PRKCA: variants seen among roughly 807,000 people sequenced by gnomAD.
PRKCA encodes the protein protein kinase C alpha.
Under a neutral mutation model 87.0 loss-of-function variants are expected in PRKCA, and 27 were observed. That is an observed-to-expected ratio of 0.31 (90% CI 0.23 to 0.43). PRKCA has a LOEUF of 0.43. Among genes scored for constraint, PRKCA ranks in the 20% least tolerant of loss-of-function variants. PRKCA has a pLI of 1.00. For missense variants in PRKCA, 518 were observed against 852.3 expected (o/e 0.61, Z 4.88); for synonymous variants, 329 against 311.1 (o/e 1.06, Z -0.61).
chr17:66,316,636 AC>A (rs1178891391), intron 2 of PRKCA, among the ~76,000 whole-genome samples: 1 of 152,052 alleles, frequency 6.6e-6, no homozygotes, highest in Non-Finnish European at 1.5e-5. Context: ...AAGATTGGAC[AC>A]CCCTGGTTTA....
chr17:66,554,239 GAA>G (rs11290369), intron 3 of PRKCA, among the ~76,000 whole-genome samples: 25,365 of 138,728 alleles, frequency 0.18, 2,305 homozygotes, highest in African/African-American at 0.23. Context: ...CCGTCTCTAT[GAA>G]AAAAAAAAAA....
At chr17:66,508,302 A>T (rs998528310) in intron 3 of PRKCA, among the ~76,000 whole-genome samples, 2 of 152,224 alleles carry the variant, frequency 1.3e-5, no homozygotes, top group African/African-American at 2.4e-5. Context: ...TCCAAAACAT[A>T]TTTGTTTTGA....
At chr17:66,582,040 A>T (rs1436442457) in intron 3 of PRKCA, among the ~76,000 whole-genome samples, 1 of 152,146 alleles carries the variant, frequency 6.6e-6, no homozygotes, top group African/African-American at 2.4e-5. Flanking sequence ...GTCACGGAGG[A>T]TCCTAGTTGG....
intron 2 of PRKCA, among the ~76,000 whole-genome samples, chr17:66,368,382 ATATATTTTTTT>A (rs1908880441): frequency 1.2e-4 from 4 of 34,568 alleles, no homozygotes; most frequent in Non-Finnish European, 2.3e-4. Context: ...ATATATATAT[ATATATTTTTTT>A]TTTTTTTTTT....
chr17:66,337,661 C>T (rs1906786944), intron 2 of PRKCA, among the ~76,000 whole-genome samples: 1 of 152,158 alleles, frequency 6.6e-6, no homozygotes, highest in Admixed American at 6.5e-5. Context: ...TCTGGGATTA[C>T]AGGCATGAGC....
At chr17:66,742,229 A>T (rs1265694272) in intron 12 of PRKCA, among the ~76,000 whole-genome samples, 5 of 152,248 alleles carry the variant, frequency 3.3e-5, no homozygotes, top group Admixed American at 6.5e-5. Flanking sequence ...CATGTGTATG[A>T]CCCAGTGAAG....
chr17:66,653,387 A>G (rs1971641814), intron 5 of PRKCA, among the ~76,000 whole-genome samples: 1 of 152,170 alleles, frequency 6.6e-6, no homozygotes, highest in African/African-American at 2.4e-5. Flanking sequence ...TGAGCCCAGG[A>G]GTTTGAGACA....
At chr17:66,475,008 G>A (rs1915480612) in intron 2 of PRKCA, among the ~76,000 whole-genome samples, 1 of 152,248 alleles carries the variant, frequency 6.6e-6, no homozygotes, top group South Asian at 2.1e-4. Flanking sequence ...GTTTCTGCAG[G>A]ATTTCCATCC....
intron 8 of PRKCA, among the ~76,000 whole-genome samples, chr17:66,706,637 C>CA (rs200189418): frequency 0.27 from 27,961 of 104,100 alleles, 2,791 homozygotes; most frequent in East Asian, 0.35. Context: ...GGCTCTGTCT[C>CA]AAAAAAAAAA....
intron 1 of PRKCA, 117 bp downstream of exon 1, chr17:66,303,141 G>C: frequency 7.3e-7 from 1 of 1,366,830 alleles, no homozygotes; most frequent in South Asian, 1.4e-5. Context: ...GAACCGGCGG[G>C]AGTCCGAACT....
At chr17:66,468,759 A>G (rs1915196717) in intron 2 of PRKCA, among the ~76,000 whole-genome samples, 1 of 152,124 alleles carries the variant, frequency 6.6e-6, no homozygotes, top group African/African-American at 2.4e-5. Flanking sequence ...ACATGAATGA[A>G]ACTGAAGAGA....
intron 8 of PRKCA, among the ~76,000 whole-genome samples, chr17:66,692,320 C>A (rs180796214): frequency 5.9e-5 from 9 of 152,320 alleles, no homozygotes; most frequent in African/African-American, 2.2e-4. Context: ...AACACAACTG[C>A]AAGAGACTGG....
intron 13 of PRKCA, among the ~76,000 whole-genome samples, chr17:66,758,290 C>T (rs1974604067): frequency 6.6e-6 from 1 of 152,222 alleles, no homozygotes; most frequent in Admixed American, 6.5e-5. Context: ...TTCACAGAAT[C>T]ATGCCAGGGT....
rs150649625 is a variant in PRKCA at position 66,503,465 on chromosome 17, G to A, written c.288+7182G>A. On this transcript the variant is annotated intron_variant, in intron 3 of 16. Coordinates refer to ENST00000413366, the MANE Select transcript of PRKCA (RefSeq NM_002737.3). Reference sequence around the variant, plus strand: ...AACTTGTTAAAAGATAGGGAGGCTTGCTTCAGACCTGGGTACACCTTCAAG... The same window carrying A: ...AACTTGTTAAAAGATAGGGAGGCTTACTTCAGACCTGGGTACACCTTCAAG... Among the ~76,000 whole-genome samples, 58 of 152,296 alleles carry A rather than the reference G, an allele frequency of 3.8e-4. 2 individuals are homozygous for A. The East Asian group carries it at 9.8e-3, about 26-fold the overall frequency.
intron 5 of PRKCA, among the ~76,000 whole-genome samples, chr17:66,674,193 T>C (rs1972264838): frequency 6.6e-6 from 1 of 152,194 alleles, no homozygotes; most frequent in African/African-American, 2.4e-5. Context: ...GCTGTCAGTC[T>C]GTAGACATGG....
intron 2 of PRKCA, among the ~76,000 whole-genome samples, chr17:66,396,631 C>CTTTTTTTTTTTTTTTT (rs10626483): frequency 7.3e-6 from 1 of 137,248 alleles, no homozygotes; most frequent in Non-Finnish European, 1.5e-5. Context: ...CATTCTCTCT[C>CTTTTTTTTTTTTTTTT]TTTTTTTTTT....
chr17:66,427,418 G>C (rs1025478596), intron 2 of PRKCA, among the ~76,000 whole-genome samples: 13 of 152,382 alleles, frequency 8.5e-5, no homozygotes, highest in African/African-American at 3.1e-4. Context: ...TGGTGGAATT[G>C]AGTAGTTATG....
chr17:66,520,733 C>G (rs550250740), intron 3 of PRKCA, among the ~76,000 whole-genome samples: 72 of 152,276 alleles, frequency 4.7e-4, no homozygotes, highest in Admixed American at 1.4e-3. Context: ...GTTGGCCACA[C>G]TTTTCTACTC....
At chr17:66,731,770 C>A (rs1248684344) in intron 8 of PRKCA, among the ~76,000 whole-genome samples, 1 of 146,756 alleles carries the variant, frequency 6.8e-6, no homozygotes, top group Non-Finnish European at 1.5e-5. Context: ...CCTTGTGCTC[C>A]CTTTCTTTTT....
Sources: allele counts gnomAD v4.1 joint callset (sites outside exome capture counted in the v4.1 genomes callset), GRCh38; gene constraint gnomAD v4.1.1; transcripts MANE v1.5; gene names NCBI Gene and HGNC (gene_info 2026-07-23, HGNC 2026-07-21).